PHF21A: variants seen among roughly 807,000 people sequenced by gnomAD.
PHF21A encodes the protein PHD finger protein 21A, also known as BHC80a.
PHF21A carries 11 observed loss-of-function variants against 82.5 expected under a neutral mutation model. The ratio of observed to expected loss-of-function variants is 0.13; its 90% CI spans 0.08 to 0.22. The LOEUF (loss-of-function observed/expected upper bound fraction) is 0.22. PHF21A is among the 10% of genes least tolerant of loss of function. The pLI is 1.00. For synonymous variants in PHF21A, 297 were observed against 302.8 expected (o/e 0.98, Z 0.20); for missense variants, 579 against 837.8 (o/e 0.69, Z 3.81).
At chr11:45,989,802 C>G (rs2094619400) in intron 6 of PHF21A, among the ~76,000 whole-genome samples, 1 of 152,060 alleles carries the variant, frequency 6.6e-6, no homozygotes, top group Non-Finnish European at 1.5e-5. Context: ...AGTTCGAGAC[C>G]AGCCTGGGCA....
intron 4 of PHF21A, among the ~76,000 whole-genome samples, chr11:46,079,809 G>C (rs1424401349): frequency 1.3e-5 from 2 of 150,578 alleles, no homozygotes; most frequent in Non-Finnish European, 3.0e-5. Context: ...CTTTACTAGG[G>C]AAAACAGAAG....
intron 1 of PHF21A, among the ~76,000 whole-genome samples, chr11:46,095,219 T>C (rs939549298): frequency 2.6e-5 from 4 of 152,104 alleles, no homozygotes; most frequent in African/African-American, 4.8e-5. Flanking sequence ...ATTTCTATAA[T>C]TTAAGAAAAC....
At chr11:46,079,415 C>T (rs562927195) in intron 4 of PHF21A, among the ~76,000 whole-genome samples, 5 of 91,998 alleles carry the variant, frequency 5.4e-5, no homozygotes, top group Non-Finnish European at 1.2e-4. Flanking sequence ...TGGACAGAGA[C>T]GGGTGACAGT....
intron 1 of PHF21A, among the ~76,000 whole-genome samples, chr11:46,098,740 G>GT (rs944490851): frequency 6.6e-6 from 1 of 152,048 alleles, no homozygotes; most frequent in African/African-American, 2.4e-5. Context: ...AACAACTCAG[G>GT]TATCTATAAG....
chr11:46,015,047 T>C lies in PHF21A; in HGVS notation c.154-35081A>G, dbSNP rs969932624. ...AAAAATAAAAAATAGTTATTCTGAC[T>C]GGTGTAAAGTGGTATCACTGTGCTT... On this transcript the variant is annotated intron_variant, in intron 6 of 18. Coordinates refer to ENST00000676320, the MANE Select transcript of PHF21A (RefSeq NM_001352027.3). 3.3e-5 allele frequency among the ~76,000 whole-genome samples: 5 copies of C among 151,812 alleles called. 1 individual carries two copies. The highest frequency in any genetic ancestry group is 1.5e-5 in the Non-Finnish European group (1 of 67,876).
chr11:45,987,855 C>T (rs947780152), intron 6 of PHF21A, among the ~76,000 whole-genome samples: 2 of 152,038 alleles, frequency 1.3e-5, no homozygotes, highest in Admixed American at 1.3e-4. Flanking sequence ...GGCTGTATCC[C>T]ACAACCTAAA....
intron 6 of PHF21A, among the ~76,000 whole-genome samples, chr11:46,053,171 T>A (rs2139223882): frequency 6.6e-6 from 1 of 152,324 alleles, no homozygotes; most frequent in African/African-American, 2.4e-5. Context: ...AGTGTCCTGA[T>A]AAATGTTTGG....
At position 46,011,813 on chromosome 11, in the gene PHF21A, AT is replaced by A. The variant is rs1295934985; in HGVS notation, c.154-31848del. On this transcript the variant is annotated intron_variant, in intron 6 of 18. Coordinates refer to ENST00000676320, the MANE Select transcript of PHF21A (RefSeq NM_001352027.3). ...ACTGCTTGATTGCAAAGATAAAAAA[AT>A]CACTCTTAACTCTTACCTTCTTTTT... is the stretch of plus-strand genomic sequence containing the variant. 4.6e-5 allele frequency among the ~76,000 whole-genome samples: 7 copies of A among 152,358 alleles called. No homozygotes were observed. The East Asian group carries it at 1.4e-3, about 29-fold the overall frequency.
chr11:46,031,496 T>C (rs1216384521), intron 6 of PHF21A, among the ~76,000 whole-genome samples: 1 of 152,148 alleles, frequency 6.6e-6, no homozygotes, highest in African/African-American at 2.4e-5. Flanking sequence ...AACCCAAAGA[T>C]AGTACACAGG....
At chr11:45,936,435 C>T in intron 17 of PHF21A, 59 bp downstream of exon 17, 1 of 944,214 alleles carries the variant, frequency 1.1e-6, no homozygotes, top group East Asian at 2.5e-5. Flanking sequence ...CAAATACTGC[C>T]AGTATTTTTT....
At position 45,930,760 on chromosome 11, in the gene PHF21A, A is replaced by G. The variant is rs2863714; in HGVS notation, c.*3208T>C. 0.89 allele frequency: 135,920 copies of G among 152,384 alleles called. 60,732 individuals carry two copies. The highest frequency in any genetic ancestry group is 1 in the East Asian group (5,173 of 5,178). The allele number at this position is 152,384 out of a possible 1,614,324, so 9.4% of individuals were successfully genotyped here. The stretch of plus-strand genomic sequence containing the variant: ...GCCGCTCCAGCTCTCTGAAGTGACT[A>G]CAAAGCCAGCTGGTCTCAAAAGTGG... On this transcript the variant is annotated 3_prime_UTR_variant, in exon 19 of 19. Transcript: ENST00000676320.
At chr11:46,027,343 A>G (rs1330521461) in intron 6 of PHF21A, among the ~76,000 whole-genome samples, 1 of 152,242 alleles carries the variant, frequency 6.6e-6, no homozygotes, top group Non-Finnish European at 1.5e-5. Context: ...TTATACATGT[A>G]TAAGGGGTTT....
intron 16 of PHF21A, among the ~76,000 whole-genome samples, chr11:45,937,509 T>C (rs1181103534): frequency 6.6e-6 from 1 of 152,210 alleles, no homozygotes; most frequent in Non-Finnish European, 1.5e-5. Flanking sequence ...AGACAGAGTC[T>C]CGCTCTTGTC....
Position 45,936,491 on chromosome 11 carries a change from T to C in PHF21A, c.1684+3A>G. The C allele has an allele frequency of 3.1e-6, 5 of 1,599,814 alleles. No homozygotes were observed. Among genetic ancestry groups the C allele is most frequent in the Non-Finnish European group, 4.3e-6 (5 of 1,167,428 alleles). ...AAAAAAGTGGGTATGGATAACTCCT[T>C]ACCTGCTTTGTAGGCAATATAGGAA... On this transcript the variant is annotated splice_donor_region_variant and intron_variant, in intron 17 of 18. Coordinates refer to ENST00000676320, the MANE Select transcript of PHF21A (RefSeq NM_001352027.3).
intron 4 of PHF21A, 108 bp downstream of exon 4, chr11:46,084,058 T>C (rs532090196): frequency 2.4e-5 from 19 of 790,098 alleles, no homozygotes; most frequent in Middle Eastern, 4.8e-4. Flanking sequence ...TTGGACAAAA[T>C]TGTCTTAAAG....
chr11:45,934,922 G>A, intron 18 of PHF21A: 1 of 382,114 alleles, frequency 2.6e-6, no homozygotes. Context: ...GGAGAAAGCA[G>A]GTAAGCAGGA....
intron 4 of PHF21A, among the ~76,000 whole-genome samples, chr11:46,081,865 G>C (rs1730976279): frequency 6.6e-6 from 1 of 152,212 alleles, no homozygotes; most frequent in African/African-American, 2.4e-5. Flanking sequence ...CAGCAGAGCA[G>C]AGTAGTTGTG....
At chr11:46,116,297 C>T (rs2097288470) in intron 1 of PHF21A, among the ~76,000 whole-genome samples, 1 of 152,152 alleles carries the variant, frequency 6.6e-6, no homozygotes, top group Admixed American at 6.5e-5. Context: ...CTAATACTAA[C>T]ACATACAGAT....
rs1465390375 is a variant in PHF21A, at chr11:45,953,577, T to C, written c.1045A>G (p.Thr349Ala). ...TTGGGTGCAGCAGGTGGGGTGATGG[T>C]GCGGCTCTCTGTTTGTTTCTCATCT... ...ETDEKQTESR[T>A]ITPPAAPKPK... Residue 349 changes from threonine to alanine, a missense_variant, in exon 11 of 19, where the codon ACC becomes GCC. By Grantham distance (58) the Thr-to-Ala change is moderately conservative (BLOSUM62 0). Coordinates refer to ENST00000676320, the MANE Select transcript of PHF21A (RefSeq NM_001352027.3). The C allele has an allele frequency of 5.6e-6, 9 of 1,613,906 alleles. No homozygotes were observed. Among genetic ancestry groups the C allele is most frequent in the Non-Finnish European group, 7.6e-6 (9 of 1,179,948 alleles).
Sources: allele counts gnomAD v4.1 joint callset (sites outside exome capture counted in the v4.1 genomes callset), GRCh38; gene constraint gnomAD v4.1.1; transcripts MANE v1.5; gene names NCBI Gene and HGNC (gene_info 2026-07-23, HGNC 2026-07-21).